Variants in RNF38 observed in about 807,000 individuals in gnomAD.
RNF38 encodes the protein E3 ubiquitin-protein ligase RNF38.
RNF38 carries 15 observed loss-of-function variants against 67.2 expected under a neutral mutation model. The ratio of observed to expected loss-of-function variants is 0.22; its 90% CI spans 0.15 to 0.34. The LOEUF (loss-of-function observed/expected upper bound fraction) is 0.34. RNF38 is among the 10% of genes least tolerant of loss of function. The probability of loss-of-function intolerance (pLI) is 1.00; values close to 1 mark genes in which losing one functional copy is unlikely to be tolerated. For missense variants in RNF38, 524 were observed against 639.9 expected, an observed-to-expected ratio of 0.82 and a Z score of 1.95; for synonymous variants, 220 against 218.8, an observed-to-expected ratio of 1.01 and a Z score of -0.05.
chr9:36,474,661 G>C (rs998070916), intron 1 of RNF38, among the ~76,000 whole-genome samples: 1 of 147,932 alleles, frequency 6.8e-6, no homozygotes, highest in African/African-American at 2.5e-5. Flanking sequence ...AGTCCCTTAG[G>C]GGACTGCAGT....
chr9:36,478,505 G>T (rs1322391935), intron 1 of RNF38, among the ~76,000 whole-genome samples: 1 of 142,676 alleles, frequency 7.0e-6, no homozygotes, highest in Non-Finnish European at 1.5e-5. Context: ...TCGCAAAAAT[G>T]TAAGTATTTA....
At chr9:36,360,215 A>G (rs1036291329) in intron 4 of RNF38, among the ~76,000 whole-genome samples, 1 of 152,186 alleles carries the variant, frequency 6.6e-6, no homozygotes, top group Non-Finnish European at 1.5e-5. Context: ...TTTATTATTA[A>G]ATTTGTTCCT....
chr9:36,342,715 A>T (rs940743958), intron 10 of RNF38, among the ~76,000 whole-genome samples: 1 of 152,218 alleles, frequency 6.6e-6, no homozygotes, highest in Non-Finnish European at 1.5e-5. Context: ...ATACAAAAGA[A>T]TAAAGGTGGA....
At chr9:36,381,001 G>A (rs1436538737) in intron 2 of RNF38, among the ~76,000 whole-genome samples, 2 of 152,158 alleles carry the variant, frequency 1.3e-5, no homozygotes, top group East Asian at 3.9e-4. Flanking sequence ...ACAAGAAAAA[G>A]TCATTCCAGT....
rs1031257043 is a variant in RNF38 at position 36,441,741 on chromosome 9, C to T, written n.242-17058G>A. On this transcript the variant is annotated intron_variant and non_coding_transcript_variant, in intron 1 of 3. Coordinates refer to the RNF38 transcript ENST00000488058. ...CCTCAATTAAAAACAACAACTTGTGCACCTCTTTCAAAAAGGCTTGCTTTG... is the reference window on the plus strand; with the variant it reads ...CCTCAATTAAAAACAACAACTTGTGTACCTCTTTCAAAAAGGCTTGCTTTG... Among the ~76,000 whole-genome samples, 3 of 149,680 alleles carry T rather than the reference C, an allele frequency of 2.0e-5. No individual in the cohort carries two copies. In the Admixed American group the frequency reaches 2.0e-4, roughly 10 times the overall value.
chr9:36,380,967 A>G (rs1786442441), intron 2 of RNF38, among the ~76,000 whole-genome samples: 1 of 152,258 alleles, frequency 6.6e-6, no homozygotes, highest in African/African-American at 2.4e-5. Flanking sequence ...CAAAATTTCC[A>G]AAGTAGTACA....
chr9:36,458,939 C>T (rs563013931), intron 1 of RNF38, among the ~76,000 whole-genome samples: 8 of 152,306 alleles, frequency 5.3e-5, no homozygotes, highest in South Asian at 4.1e-4. Flanking sequence ...TGGCTGGACG[C>T]GGTGGATCAC....
chr9:36,455,894 GAGCA>G (rs199887993), intron 1 of RNF38, among the ~76,000 whole-genome samples: 7,328 of 146,078 alleles, frequency 0.05, 545 homozygotes, highest in African/African-American at 0.17. Flanking sequence ...CTGGGTGACA[GAGCA>G]AGACTCCACC....
At chr9:36,473,563 G>A (rs1390324097) in intron 1 of RNF38, among the ~76,000 whole-genome samples, 1 of 151,868 alleles carries the variant, frequency 6.6e-6, no homozygotes, top group Non-Finnish European at 1.5e-5. Flanking sequence ...ACACCAGCTC[G>A]GGCAACAAGA....
At chr9:36,429,772 C>A (rs1163009029) in intron 1 of RNF38, among the ~76,000 whole-genome samples, 2 of 152,098 alleles carry the variant, frequency 1.3e-5, no homozygotes, top group Non-Finnish European at 1.5e-5. Flanking sequence ...CCAGCCTGGG[C>A]AACAGAGCAA....
intron 1 of RNF38, among the ~76,000 whole-genome samples, chr9:36,484,554 T>A (rs1406571108): frequency 1.3e-5 from 2 of 152,186 alleles, no homozygotes; most frequent in Non-Finnish European, 2.9e-5. Context: ...TGATTCAGAT[T>A]TTTTTTAAGT....
intron 2 of RNF38, among the ~76,000 whole-genome samples, chr9:36,379,213 T>C (rs947760790): frequency 6.6e-6 from 1 of 152,188 alleles, no homozygotes; most frequent in African/African-American, 2.4e-5. Flanking sequence ...AAGTTTACTT[T>C]CTAACTCAAA....
chr9:36,485,160 C>A (rs1451728004), intron 1 of RNF38, among the ~76,000 whole-genome samples: 2 of 152,166 alleles, frequency 1.3e-5, no homozygotes, highest in Non-Finnish European at 2.9e-5. Flanking sequence ...CAGAGAGACT[C>A]CGTCTCAAAA....
intron 4 of RNF38, among the ~76,000 whole-genome samples, chr9:36,359,955 G>C (rs1834402537): frequency 6.6e-6 from 1 of 151,782 alleles, no homozygotes; most frequent in South Asian, 2.1e-4. Context: ...ATTTTGGCCA[G>C]TCTGGTCTTG....
chr9:36,460,696 T>C (rs1839707034), intron 1 of RNF38, among the ~76,000 whole-genome samples: 1 of 151,838 alleles, frequency 6.6e-6, no homozygotes, highest in African/African-American at 2.4e-5. Context: ...AAGACCAGCC[T>C]GACCAACGTG....
intron 4 of RNF38, 145 bp from the exon 5 acceptor site, chr9:36,358,087 T>C: frequency 1.6e-6 from 1 of 642,726 alleles, no homozygotes; most frequent in Non-Finnish European, 2.7e-6. Context: ...GACCAGAATA[T>C]TCATTGTCTT....
At chr9:36,427,427 T>C (rs1163778624) in intron 1 of RNF38, among the ~76,000 whole-genome samples, 1 of 152,134 alleles carries the variant, frequency 6.6e-6, no homozygotes, top group Non-Finnish European at 1.5e-5. Flanking sequence ...AATTCCTATG[T>C]TGAAACCTAA....
chr9:36,487,201 G>A (rs911569776), intron 1 of RNF38: 1 of 702,782 alleles, frequency 1.4e-6, no homozygotes, highest in South Asian at 6.3e-5. Flanking sequence ...CCCGGACAAC[G>A]CTCCTCCCCG....
intron 2 of RNF38, among the ~76,000 whole-genome samples, chr9:36,409,311 GAAAGAAAGAAAGAA>G (rs563115563): frequency 0.036 from 5,295 of 147,058 alleles, 106 homozygotes; most frequent in Non-Finnish European, 0.053. Flanking sequence ...GAAAGAAAAA[GAAAGAAAGAAAGAA>G]AAAGAAAGAA....
Sources: gnomAD v4.1 joint callset for allele counts (sites outside exome capture counted in the v4.1 genomes callset) on GRCh38, gnomAD v4.1.1 for gene constraint, MANE v1.5 for transcripts, NCBI Gene and HGNC (gene_info 2026-07-23, HGNC 2026-07-21) for gene names.